CALN1: variants seen among roughly 807,000 people sequenced by gnomAD.
The protein encoded by CALN1 is calcium-binding protein 8.
CALN1 carries 17 observed loss-of-function variants against 30.6 expected under a neutral mutation model. The ratio of observed to expected loss-of-function variants is 0.56; its 90% CI spans 0.38 to 0.83. The LOEUF (loss-of-function observed/expected upper bound fraction) is 0.83. Ranked by LOEUF, CALN1 falls within the 40% of genes least tolerant of loss-of-function variation. The probability of loss-of-function intolerance (pLI) is 0.00; values close to 1 mark genes in which losing one functional copy is unlikely to be tolerated. For synonymous variants in CALN1, 156 were observed against 131.4 expected (o/e 1.19, Z -1.28); for missense variants, 291 against 354.9 (o/e 0.82, Z 1.45).
At chr7:72,044,112 ACACAAC>A (rs1802308372) in intron 4 of CALN1, among the ~76,000 whole-genome samples, 1 of 150,974 alleles carries the variant, frequency 6.6e-6, no homozygotes, top group South Asian at 2.1e-4. Context: ...TTGGGTGGGG[ACACAAC>A]CAAACCACAT....
chr7:72,452,909 C>T, the CALN1 span, among the ~76,000 whole-genome samples: 1 of 152,224 alleles, frequency 6.6e-6, no homozygotes, highest in East Asian at 1.9e-4. Context: ...CTCCAGACCA[C>T]AATTACTAGT....
intron 4 of CALN1, among the ~76,000 whole-genome samples, chr7:72,090,866 T>TA (rs1201631323): frequency 6.6e-6 from 1 of 151,896 alleles, no homozygotes; most frequent in African/African-American, 2.4e-5. Flanking sequence ...TATGGTAGCT[T>TA]AAAAAAAATA....
intron 3 of CALN1, among the ~76,000 whole-genome samples, chr7:72,208,015 CAGA>C (rs1792020894): frequency 6.6e-6 from 1 of 152,136 alleles, no homozygotes; most frequent in Admixed American, 6.6e-5. Flanking sequence ...TTGTTAAACT[CAGA>C]AGATCATGAC....
chr7:72,101,546 C>T (rs1405774504), intron 4 of CALN1, among the ~76,000 whole-genome samples: 2 of 152,146 alleles, frequency 1.3e-5, no homozygotes, highest in African/African-American at 4.8e-5. Flanking sequence ...GCTCACACAA[C>T]TGAATACCCT....
chr7:72,084,931 C>T lies in CALN1; in HGVS notation c.388+21220G>A, dbSNP rs114905030. On this transcript the variant is annotated intron_variant, in intron 4 of 6. Coordinates refer to ENST00000395275, the MANE Select transcript of CALN1 (RefSeq NM_031468.4). ...TGAGTAGCGTGATAAAATCTCATGC[C>T]ATCCCACTCCAACTTGCCAGAGACG... Among the ~76,000 whole-genome samples, 626 of 152,206 alleles carry T rather than the reference C, an allele frequency of 4.1e-3. 5 individuals are homozygous for T. Among genetic ancestry groups the T allele is most frequent in the African/African-American group, 0.014 (599 of 41,534 alleles).
chr7:72,072,828 C>A (rs1804491715), intron 4 of CALN1, among the ~76,000 whole-genome samples: 1 of 151,846 alleles, frequency 6.6e-6, no homozygotes, highest in Non-Finnish European at 1.5e-5. Flanking sequence ...TGGTATAAAT[C>A]CAAATTAGAA....
chr7:72,502,860 A>T, the CALN1 span, among the ~76,000 whole-genome samples: 1 of 152,130 alleles, frequency 6.6e-6, no homozygotes, highest in African/African-American at 2.4e-5. Context: ...TAACTGTAAA[A>T]AGAAATTGTA....
At chr7:72,398,395 C>T (rs1465158824) in intron 2 of CALN1, among the ~76,000 whole-genome samples, 1 of 152,180 alleles carries the variant, frequency 6.6e-6, no homozygotes, top group African/African-American at 2.4e-5. Context: ...AAATTCCTTG[C>T]TTTGTCTACA....
chr7:72,138,955 C>A (rs76024792), intron 3 of CALN1, among the ~76,000 whole-genome samples: 3 of 152,202 alleles, frequency 2.0e-5, no homozygotes, highest in Non-Finnish European at 2.9e-5. Context: ...TCTACCCGAA[C>A]GCATTCGAAA....
intron 5 of CALN1, among the ~76,000 whole-genome samples, chr7:72,012,979 G>T (rs1435297153): frequency 1.3e-5 from 2 of 152,008 alleles, no homozygotes; most frequent in Non-Finnish European, 2.9e-5. Context: ...TGTATTTTTA[G>T]TAGAGACAGG....
chr7:72,476,240 C>A, the CALN1 span, among the ~76,000 whole-genome samples: 1 of 152,082 alleles, frequency 6.6e-6, no homozygotes, highest in South Asian at 2.1e-4. Context: ...AGCCACCATG[C>A]CTGACAGCAC....
At chr7:72,233,426 G>T (rs497195) in intron 3 of CALN1, among the ~76,000 whole-genome samples, 84,813 of 151,786 alleles carry the variant, frequency 0.56, 23,985 homozygotes, top group South Asian at 0.65. Context: ...TTTCAAGAGA[G>T]AGAAAAAGGC....
intron 5 of CALN1, among the ~76,000 whole-genome samples, chr7:72,007,391 C>G (rs767673458): frequency 5.3e-5 from 8 of 152,180 alleles, no homozygotes; most frequent in Non-Finnish European, 1.2e-4. Context: ...ACTAAACATA[C>G]AAAAAATTAG....
chr7:72,364,855 T>C (rs1038512633), intron 2 of CALN1, among the ~76,000 whole-genome samples: 4 of 152,202 alleles, frequency 2.6e-5, no homozygotes, highest in African/African-American at 2.4e-5. Flanking sequence ...GCCAACATAG[T>C]GAAACCTCGT....
chr7:72,463,000 A>G, the CALN1 span, among the ~76,000 whole-genome samples: 1 of 152,232 alleles, frequency 6.6e-6, no homozygotes, highest in African/African-American at 2.4e-5. Flanking sequence ...CACCTGGTAC[A>G]TGCACTAGGT....
At chr7:72,100,747 G>A (rs879557149) in intron 4 of CALN1, among the ~76,000 whole-genome samples, 1 of 148,200 alleles carries the variant, frequency 6.7e-6, no homozygotes, top group Non-Finnish European at 1.5e-5. Context: ...GTGAACCTGG[G>A]AGGCGGAGCT....
the CALN1 span, among the ~76,000 whole-genome samples, chr7:72,499,901 C>T: frequency 2.5e-4 from 11 of 44,380 alleles, no homozygotes; most frequent in African/African-American, 3.9e-4. Context: ...TTCTTTCTTT[C>T]TTTCTTTCTT....
At chr7:72,422,855 G>C (rs1585712863) in intron 1 of CALN1, among the ~76,000 whole-genome samples, 1 of 152,070 alleles carries the variant, frequency 6.6e-6, no homozygotes, top group African/African-American at 2.4e-5. Context: ...TTGGCTGAGC[G>C]CATCGGCTCA....
At position 72,160,281 on chromosome 7, in the gene CALN1, G is replaced by GT. The variant is rs34825420; in HGVS notation, c.245-53988dup. Among the ~76,000 whole-genome samples the GT allele has an allele frequency of 2.5e-3, 362 of 147,102 alleles. 1 individual carries two copies. The highest frequency in any genetic ancestry group is 0.01 in the Middle Eastern group (3 of 290). ...AAGAACACTATTTATTTTCTTTTTA[G>GT]TTTTTTTTTTTTTTTTAAACAGAGT... is the stretch of plus-strand genomic sequence containing the variant. On this transcript the variant is annotated intron_variant, in intron 3 of 6. Transcript: ENST00000395275.
Sources: gnomAD v4.1 joint callset for allele counts (sites outside exome capture counted in the v4.1 genomes callset) on GRCh38, gnomAD v4.1.1 for gene constraint, MANE v1.5 for transcripts, NCBI Gene and HGNC (gene_info 2026-07-23, HGNC 2026-07-21) for gene names.